The following THSD7A variants were observed in gnomAD, a reference collection of about 807,000 sequenced individuals.
THSD7A encodes thrombospondin type-1 domain-containing protein 7A.
A neutral mutation model predicts 231.3 loss-of-function variants in THSD7A; 96 were observed. The observed-to-expected ratio is 0.41, with a 90% CI of 0.35 to 0.49. The LOEUF (loss-of-function observed/expected upper bound fraction) is 0.49. Ranked by LOEUF, THSD7A falls within the 20% of genes least tolerant of loss-of-function variation. The pLI is 0.05. For synonymous variants in THSD7A, 940 were observed against 743.3 expected (o/e 1.26, Z -4.30); for missense variants, 2,290 against 2,070.2 (o/e 1.11, Z -2.06).
chr7:11,651,486 A>ACTATCTATCAACTAT (rs373522018), intron 1 of THSD7A, among the ~76,000 whole-genome samples: 128 of 149,778 alleles, frequency 8.5e-4, no homozygotes, highest in African/African-American at 2.9e-3. Context: ...CTATCTATCA[A>ACTATCTATCAACTAT]CTATCTATCT....
chr7:11,648,373 G>C (rs1235955619), intron 1 of THSD7A, among the ~76,000 whole-genome samples: 1 of 151,988 alleles, frequency 6.6e-6, no homozygotes, highest in East Asian at 1.9e-4. Flanking sequence ...GTCAAGGGAA[G>C]GTCCTCTCTG....
chr7:11,465,835 T>G (rs1174024077), intron 9 of THSD7A, among the ~76,000 whole-genome samples: 1 of 152,108 alleles, frequency 6.6e-6, no homozygotes, highest in Admixed American at 6.6e-5. Context: ...TGATCAAAAG[T>G]ATTGATTTTT....
chr7:11,469,817 C>T lies in THSD7A; in HGVS notation c.2368+62G>A. On this transcript the variant is annotated intron_variant, in intron 9 of 27. Coordinates refer to ENST00000423059, the MANE Select transcript of THSD7A (RefSeq NM_015204.3). Reference sequence around the variant, plus strand: ...TCACAAACATTGCTAGGCCAGAAGACCTCAGAAGTCTACCGAGGAGGTTTT... The same window carrying T: ...TCACAAACATTGCTAGGCCAGAAGATCTCAGAAGTCTACCGAGGAGGTTTT... 2.6e-6 allele frequency: 3 copies of T among 1,149,290 alleles called. No individual in the cohort carries two copies. In the South Asian group the frequency reaches 4.0e-5, roughly 15 times the overall value. 71.2% of individuals were successfully genotyped at this position (1,149,290 alleles called of 1,614,324 possible). A position where few individuals can be genotyped will look rare whatever the true frequency, so the allele number is the denominator to read the frequency against.
At position 11,372,440 on chromosome 7, in the gene THSD7A, G is replaced by A. The variant is rs1397175463; in HGVS notation, c.*3354C>T. 2.0e-5 allele frequency: 3 copies of A among 150,724 alleles called. No individual in the cohort carries two copies. The highest frequency in any genetic ancestry group is 7.3e-5 in the African/African-American group (3 of 40,940). The allele number at this position is 150,724 out of a possible 1,614,324, so 9.3% of individuals were successfully genotyped here. On this transcript the variant is annotated 3_prime_UTR_variant, in exon 28 of 28. Transcript: ENST00000423059. ...CTTTGTTATAAGTAATTAAAAACAAGCTTTTATGCACTCTTTTTAAATTCA... is the reference window on the plus strand; with the variant it reads ...CTTTGTTATAAGTAATTAAAAACAAACTTTTATGCACTCTTTTTAAATTCA...
intron 1 of THSD7A, among the ~76,000 whole-genome samples, chr7:11,669,286 G>C (rs367659777): frequency 2.0e-5 from 3 of 152,034 alleles, no homozygotes; most frequent in East Asian, 1.9e-4. Context: ...TAGTGTTAAA[G>C]AGACATACTG....
At chr7:11,739,479 A>G (rs1782031660) in intron 1 of THSD7A, among the ~76,000 whole-genome samples, 1 of 152,054 alleles carries the variant, frequency 6.6e-6, no homozygotes, top group South Asian at 2.1e-4. Context: ...GGAAATGGAG[A>G]AAGAATATAT....
chr7:11,736,008 C>T (rs1310164438), intron 1 of THSD7A, among the ~76,000 whole-genome samples: 1 of 151,578 alleles, frequency 6.6e-6, no homozygotes, highest in Non-Finnish European at 1.5e-5. Flanking sequence ...GTTTTAGATA[C>T]CCACATATTA....
At chr7:11,593,621 GTT>G in intron 2 of THSD7A, 119 bp from the exon 3 acceptor site, 2 of 1,252,060 alleles carry the variant, frequency 1.6e-6, no homozygotes, top group Non-Finnish European at 1.1e-6. Context: ...TGTGATTCCA[GTT>G]TCATCGAAAA....
At position 11,371,040 on chromosome 7, in the gene THSD7A, T is replaced by G. The variant is rs1410612966; in HGVS notation, c.*4754A>C. On this transcript the variant is annotated 3_prime_UTR_variant, in exon 28 of 28. Transcript: ENST00000423059. The stretch of plus-strand genomic sequence containing the variant: ...AATTATATTCTAAATAATATAGAGA[T>G]TTTTGATCACTGAAAACATGACTCC... 6.6e-6 allele frequency: 1 copy of G among 152,144 alleles called. No individual in the cohort carries two copies. The highest frequency in any genetic ancestry group is 2.1e-4 in the South Asian group (1 of 4,826). 9.4% of individuals were successfully genotyped at this position (152,144 alleles called of 1,614,324 possible).
intron 1 of THSD7A, among the ~76,000 whole-genome samples, chr7:11,638,573 C>G (rs745449065): frequency 6.6e-6 from 1 of 152,136 alleles, no homozygotes; most frequent in Non-Finnish European, 1.5e-5. Flanking sequence ...ATTGTGCTAA[C>G]TAATCATTAT....
At chr7:11,509,664 C>CA (rs961337773) in intron 6 of THSD7A, among the ~76,000 whole-genome samples, 7 of 149,772 alleles carry the variant, frequency 4.7e-5, no homozygotes, top group Non-Finnish European at 8.9e-5. Context: ...ATTAAAAATA[C>CA]AAAAAAAATT....
chr7:11,615,500 C>T (rs955132399), intron 2 of THSD7A, among the ~76,000 whole-genome samples: 1 of 152,208 alleles, frequency 6.6e-6, no homozygotes, highest in South Asian at 2.1e-4. Context: ...TTTAAACTAG[C>T]TGTTGTGCAT....
At chr7:11,541,179 T>C (rs1789130919) in intron 6 of THSD7A, among the ~76,000 whole-genome samples, 1 of 152,206 alleles carries the variant, frequency 6.6e-6, no homozygotes, top group Non-Finnish European at 1.5e-5. Context: ...ATATGATCTG[T>C]TCTGTTTTCA....
At chr7:11,482,007 G>A (rs757618854) in intron 6 of THSD7A, 25 bp from the exon 7 acceptor site, 2 of 1,553,824 alleles carry the variant, frequency 1.3e-6, no homozygotes, top group Non-Finnish European at 1.7e-6. Context: ...ACCACCAACA[G>A]CTATTATTGT....
intron 2 of THSD7A, among the ~76,000 whole-genome samples, chr7:11,609,465 G>A (rs937488324): frequency 6.6e-6 from 1 of 152,200 alleles, no homozygotes; most frequent in African/African-American, 2.4e-5. Context: ...AGGCAGAGCT[G>A]TTCCATGGGA....
In THSD7A at chr7:11,543,105, A is replaced by G. The variant is rs1278457002; in HGVS notation, c.1466T>C (p.Met489Thr). Residue 489 changes from methionine (M) to threonine (T), a missense_variant, in exon 5 of 28, where the codon ATG becomes ACG. Transcript: ENST00000423059. ...AGGTCCAGTGCATAATTTTAAGTCC[A>G]TTGGCTTTGAGGCTAGAGAAAAATA... is the stretch of plus-strand genomic sequence containing the variant. ...THKNKEASKP[M>T]DLKLCTGPIP... The G allele has an allele frequency of 2.5e-6, 4 of 1,611,254 alleles. No homozygotes were observed. The East Asian group carries it at 6.7e-5, about 27-fold the overall frequency.
intron 1 of THSD7A, among the ~76,000 whole-genome samples, chr7:11,790,642 C>T (rs572923355): frequency 1.3e-5 from 2 of 151,944 alleles, no homozygotes; most frequent in East Asian, 1.9e-4. Flanking sequence ...TATTGGTAAA[C>T]ACATGATGTG....
chr7:11,764,348 G>T (rs1041787304), intron 1 of THSD7A, among the ~76,000 whole-genome samples: 1 of 152,256 alleles, frequency 6.6e-6, no homozygotes, highest in African/African-American at 2.4e-5. Flanking sequence ...TTGGGAGGCC[G>T]AGGCGGGTGG....
At chr7:11,485,508 C>T (rs1230405125) in intron 6 of THSD7A, among the ~76,000 whole-genome samples, 2 of 152,176 alleles carry the variant, frequency 1.3e-5, no homozygotes, top group Non-Finnish European at 2.9e-5. Context: ...ATCACCTCAG[C>T]TAATTCTCAC....
Sources: allele counts gnomAD v4.1 joint callset (sites outside exome capture counted in the v4.1 genomes callset), GRCh38; gene constraint gnomAD v4.1.1; transcripts MANE v1.5; gene names NCBI Gene and HGNC (gene_info 2026-07-23, HGNC 2026-07-21).